Variants in CGGBP1 observed in about 807,000 individuals in gnomAD.
CGGBP1 encodes the protein CGG triplet repeat-binding protein 1.
CGGBP1 carries 4 observed loss-of-function variants against 11.4 expected under a neutral mutation model. The ratio of observed to expected loss-of-function variants is 0.35; its 90% confidence interval spans 0.17 to 0.80. The LOEUF is 0.80. Among genes scored for constraint, CGGBP1 ranks in the 30% least tolerant of loss-of-function variants. CGGBP1 has a pLI of 0.52. For missense variants in CGGBP1, 135 were observed against 202.1 expected (o/e 0.67, Z 2.01); for synonymous variants, 76 against 74.1 (o/e 1.03, Z -0.13).
chr3:88,063,180 C>T (rs1706984400), upstream of CGGBP1, among the ~76,000 whole-genome samples: 1 of 152,156 alleles, frequency 6.6e-6, no homozygotes, highest in Non-Finnish European at 1.5e-5. Context: ...TGCTACTGAA[C>T]ATCCTGCAGT....
At chr3:88,138,877 G>T in intron 2 of CGGBP1, 3 of 1,231,990 alleles carry the variant, frequency 2.4e-6, no homozygotes, top group Non-Finnish European at 3.0e-6. Flanking sequence ...TTTCTGGAGC[G>T]CTCCTTAGAA....
chr3:88,056,444 TAA>T (rs1706543697), intron 3 of CGGBP1: 1 of 152,402 alleles, frequency 6.6e-6, no homozygotes, highest in African/African-American at 2.4e-5. Flanking sequence ...CAACTGTGGA[TAA>T]AGTTTTTTCA....
chr3:88,092,420 A>G (rs929921273), intron 2 of CGGBP1, among the ~76,000 whole-genome samples: 5 of 152,146 alleles, frequency 3.3e-5, no homozygotes, highest in Admixed American at 6.6e-5. Flanking sequence ...GAATTACAGA[A>G]TGCAATGAGA....
rs6777019 is a variant in CGGBP1 at position 88,053,658 on chromosome 3, C to T, written c.*1815G>A. ...AAAACAGAATGATTGTGTATCTTTT[C>T]GTATTCTGAAAATAGTGCTATAAAA... is the stretch of plus-strand genomic sequence containing the variant. On this transcript the variant is annotated 3_prime_UTR_variant, in exon 4 of 4. Transcript: ENST00000482016. The T allele has an allele frequency of 0.78, 119,461 of 152,474 alleles. 47,713 individuals carry two copies. Among genetic ancestry groups the T allele is most frequent in the South Asian group, 0.91 (4,390 of 4,828 alleles). The allele number at this position is 152,474 out of a possible 1,614,324, so 9.4% of individuals were successfully genotyped here.
intron 2 of CGGBP1, chr3:88,126,078 A>C (rs541574631): frequency 7.2e-7 from 1 of 1,382,792 alleles, no homozygotes; most frequent in African/African-American, 1.4e-5. Flanking sequence ...ATGATGATCA[A>C]GTTTAGTTTT....
At chr3:88,093,917 C>T (rs1033669947) in intron 2 of CGGBP1, among the ~76,000 whole-genome samples, 1 of 152,166 alleles carries the variant, frequency 6.6e-6, no homozygotes, top group African/African-American at 2.4e-5. Context: ...TATTGCCCAT[C>T]TCCACAGCAT....
intron 2 of CGGBP1, among the ~76,000 whole-genome samples, chr3:88,077,364 C>G (rs1376670450): frequency 6.9e-6 from 1 of 145,910 alleles, no homozygotes; most frequent in Non-Finnish European, 1.5e-5. Context: ...GACGGAGTCT[C>G]GCTCTGTTGC....
chr3:88,103,622 T>C (rs1203574574), intron 2 of CGGBP1, among the ~76,000 whole-genome samples: 2 of 151,768 alleles, frequency 1.3e-5, no homozygotes, highest in Non-Finnish European at 2.9e-5. Context: ...AGAACACAAG[T>C]AGGTGAAAGT....
chr3:88,110,585 G>A (rs1382803943), intron 2 of CGGBP1, among the ~76,000 whole-genome samples: 10 of 152,096 alleles, frequency 6.6e-5, no homozygotes, highest in African/African-American at 2.4e-4. Flanking sequence ...CCTGTGAGCA[G>A]TAGTTTACCA....
intron 2 of CGGBP1, among the ~76,000 whole-genome samples, chr3:88,111,234 A>G (rs1705072563): frequency 6.6e-6 from 1 of 152,028 alleles, no homozygotes; most frequent in South Asian, 2.1e-4. Context: ...ATACTTATTA[A>G]TAGTAAAAAT....
At chr3:88,133,896 A>G (rs1706611280) in intron 2 of CGGBP1, among the ~76,000 whole-genome samples, 2 of 152,178 alleles carry the variant, frequency 1.3e-5, no homozygotes, top group African/African-American at 4.8e-5. Context: ...GATTAGAACC[A>G]GACCAGAATA....
chr3:88,074,707 A>G (rs963897204), intron 2 of CGGBP1, among the ~76,000 whole-genome samples: 2 of 152,062 alleles, frequency 1.3e-5, no homozygotes, highest in Non-Finnish European at 2.9e-5. Flanking sequence ...ACCCAACCCA[A>G]TACCCATTAA....
At chr3:88,096,603 G>A (rs1704075677) in intron 2 of CGGBP1, among the ~76,000 whole-genome samples, 1 of 152,054 alleles carries the variant, frequency 6.6e-6, no homozygotes, top group Admixed American at 6.6e-5. Flanking sequence ...AGTCCATCCA[G>A]TGTCTTCTGG....
intron 2 of CGGBP1, among the ~76,000 whole-genome samples, chr3:88,073,494 C>T (rs1707630090): frequency 6.6e-6 from 1 of 151,930 alleles, no homozygotes; most frequent in African/African-American, 2.4e-5. Flanking sequence ...TCGAAGTATC[C>T]CAGAAAAGGA....
At chr3:88,116,555 T>TAC (rs1398775960) in intron 2 of CGGBP1, among the ~76,000 whole-genome samples, 1 of 12,576 alleles carries the variant, frequency 8.0e-5, no homozygotes, top group Non-Finnish European at 8.9e-4. Context: ...CATACATACA[T>TAC]ATATATACAC....
chr3:88,114,357 G>C (rs2107771890), intron 2 of CGGBP1, among the ~76,000 whole-genome samples: 2 of 152,282 alleles, frequency 1.3e-5, no homozygotes, highest in South Asian at 4.1e-4. Flanking sequence ...TGGAGTAGAT[G>C]AGGGACAATA....
At chr3:88,081,543 TTTAA>T (rs1708078190) in intron 2 of CGGBP1, among the ~76,000 whole-genome samples, 2 of 152,254 alleles carry the variant, frequency 1.3e-5, no homozygotes, top group Non-Finnish European at 2.9e-5. Context: ...CTAACATTTA[TTTAA>T]TTATTTGTAT....
At chr3:88,145,060 G>A (rs1473141727) in intron 1 of CGGBP1, among the ~76,000 whole-genome samples, 1 of 60,806 alleles carries the variant, frequency 1.6e-5, no homozygotes, top group African/African-American at 3.8e-5. Flanking sequence ...GCTTCTGGTG[G>A]AACTTAAAAA....
intron 2 of CGGBP1, among the ~76,000 whole-genome samples, chr3:88,078,754 G>A (rs1035591073): frequency 6.6e-6 from 1 of 152,004 alleles, no homozygotes; most frequent in African/African-American, 2.4e-5. Context: ...TTTCAGCATG[G>A]TTTTGTATAC....
Sources: gnomAD v4.1 joint callset for allele counts (sites outside exome capture counted in the v4.1 genomes callset) on GRCh38, gnomAD v4.1.1 for gene constraint, MANE v1.5 for transcripts, NCBI Gene and HGNC (gene_info 2026-07-23, HGNC 2026-07-21) for gene names.